The following EDC3 variants were observed in gnomAD, a reference collection of about 807,000 sequenced individuals.
The protein encoded by EDC3 is enhancer of mRNA-decapping protein 3.
Under a neutral mutation model 41.8 loss-of-function variants are expected in EDC3, and 20 were observed. The ratio of observed to expected loss-of-function variants is 0.48; its 90% CI spans 0.34 to 0.70. The LOEUF (loss-of-function observed/expected upper bound fraction) is 0.70. Among genes scored for constraint, EDC3 ranks in the 30% least tolerant of loss-of-function variants. The pLI is 0.01. For missense variants in EDC3, 444 were observed against 636.8 expected, an observed-to-expected ratio of 0.70 and a Z score of 3.26; for synonymous variants, 206 against 243.2, an observed-to-expected ratio of 0.85 and a Z score of 1.42.
At chr15:74,635,198 T>C (rs747596957) in intron 6 of EDC3, 41 of 698,438 alleles carry the variant, frequency 5.9e-5, no homozygotes, top group Non-Finnish European at 1.0e-4. Flanking sequence ...AATGGACCAA[T>C]GGGTCCCCAG....
At chr15:74,650,038 C>T (rs1184707453) in intron 4 of EDC3, among the ~76,000 whole-genome samples, 1 of 152,142 alleles carries the variant, frequency 6.6e-6, no homozygotes, top group Non-Finnish European at 1.5e-5. Context: ...TGTTGCTTCC[C>T]TCATATCTTT....
chr15:74,632,916 A>G lies in EDC3; in HGVS notation c.1223T>C (p.Ile408Thr). Residue 408 changes from isoleucine to threonine, a missense_variant, in exon 7 of 7, where the codon ATC becomes ACC. Physicochemically the swap from Ile to Thr is moderately conservative, Grantham distance 89. Around this residue, in one of 3 missense-constraint regions of EDC3, gnomAD observed 242 missense variants for 363.8 expected, o/e 0.67. Transcript: ENST00000315127. This position sits in a 1 kb window ranked among gnomAD's most constrained non-coding sequence, Gnocchi z 4.0. ...GTTCTCAGGGCAATCCAGGCAGTTGATGACCAGGTCCACAGGGCTAGTGGG... is the reference window on the plus strand; with the variant it reads ...GTTCTCAGGGCAATCCAGGCAGTTGGTGACCAGGTCCACAGGGCTAGTGGG... ...DLPTSPVDLVINCLDCPENVF... is the reference protein window; with the variant it reads ...DLPTSPVDLVTNCLDCPENVF... 1 of 1,614,202 alleles carries G rather than the reference A, an allele frequency of 6.2e-7. No individual in the cohort carries two copies. Among genetic ancestry groups the G allele is most frequent in the Non-Finnish European group, 8.5e-7 (1 of 1,180,020 alleles).
chr15:74,657,349 C>A (rs2062561846), intron 3 of EDC3, among the ~76,000 whole-genome samples: 1 of 152,230 alleles, frequency 6.6e-6, no homozygotes, highest in Non-Finnish European at 1.5e-5. Flanking sequence ...ATGTGCACTC[C>A]CTCCCACAAT....
chr15:74,652,230 C>T lies in EDC3; in HGVS notation c.820+3503G>A, dbSNP rs1396643893. Among the ~76,000 whole-genome samples the T allele has an allele frequency of 2.0e-5, 3 of 150,848 alleles. No individual in the cohort carries two copies. In the East Asian group the frequency reaches 5.8e-4, roughly 29 times the overall value. ...ACTGCCCTTCTCTTCTTATATTTTT[C>T]CTTTTTTTTTTTTTTGAGACAGAGT... On this transcript the variant is annotated intron_variant, in intron 4 of 6. Transcript: ENST00000315127.
intron 3 of EDC3, among the ~76,000 whole-genome samples, chr15:74,660,811 A>T (rs1432617665): frequency 6.6e-6 from 1 of 152,214 alleles, no homozygotes; most frequent in African/African-American, 2.4e-5. Context: ...AACAGTAGAA[A>T]TTAAACTTTA....
At chr15:74,683,111 C>T (rs1225719309) in intron 1 of EDC3, among the ~76,000 whole-genome samples, 1 of 152,200 alleles carries the variant, frequency 6.6e-6, no homozygotes, top group Admixed American at 6.5e-5. Context: ...ACTCAGATAA[C>T]CTCAATGAGT....
intron 1 of EDC3, among the ~76,000 whole-genome samples, chr15:74,682,212 T>C (rs1382479483): frequency 6.6e-6 from 1 of 152,040 alleles, no homozygotes; most frequent in Admixed American, 6.6e-5. Context: ...ATCCCAGCTA[T>C]TTGAGTGGCT....
intron 5 of EDC3, 145 bp downstream of exon 5, chr15:74,640,321 G>A (rs954792255): frequency 1.1e-6 from 1 of 916,304 alleles, no homozygotes; most frequent in African/African-American, 1.7e-5. Flanking sequence ...ACAGCATCCA[G>A]GAAAGTGACT....
chr15:74,662,867 A>G (rs2062636018), intron 3 of EDC3, among the ~76,000 whole-genome samples: 1 of 152,224 alleles, frequency 6.6e-6, no homozygotes, highest in Admixed American at 6.5e-5. Flanking sequence ...AGGTAGAGGC[A>G]CAAAAACAGT....
rs139450223 is a variant in EDC3, at chr15:74,675,016, G to A, written c.109C>T (p.Leu37Phe). ...AVDQVSQTIS[L>F]TRPFHNGVKC... The stretch of plus-strand genomic sequence containing the variant: ...ACTCCATTATGGAAAGGCCGGGTGA[G>A]AGAAATGGTCTGGCTGACCTGATCC... Residue 37 changes from leucine to phenylalanine, a missense_variant, in exon 2 of 7, where the codon CTC (leucine) becomes TTC (phenylalanine). Physicochemically the swap from Leu to Phe is conservative, Grantham distance 22 (BLOSUM62 0). Transcript: ENST00000315127. The A allele has an allele frequency of 6.2e-7, 1 of 1,614,142 alleles. No individual in the cohort carries two copies. The highest frequency in any genetic ancestry group is 8.5e-7 in the Non-Finnish European group (1 of 1,180,048).
intron 3 of EDC3, among the ~76,000 whole-genome samples, chr15:74,659,383 C>G (rs1596315448): frequency 6.6e-6 from 1 of 151,670 alleles, no homozygotes; most frequent in East Asian, 1.9e-4. Context: ...TTGCTTGAAC[C>G]CAGGAAACGG....
At chr15:74,673,300 T>C (rs2062761246) in intron 2 of EDC3, among the ~76,000 whole-genome samples, 1 of 152,156 alleles carries the variant, frequency 6.6e-6, no homozygotes, top group Non-Finnish European at 1.5e-5. Flanking sequence ...CCATACGATT[T>C]TGGCAACTAA....
At chr15:74,645,455 AAT>A (rs1221387456) in intron 4 of EDC3, 1 of 151,900 alleles carries the variant, frequency 6.6e-6, no homozygotes, top group Non-Finnish European at 1.5e-5. Flanking sequence ...ACATAAAACA[AAT>A]ATGTCACAAT....
chr15:74,632,560 T>C lies in EDC3; in HGVS notation c.*52A>G, dbSNP rs975126412. 4.4e-6 allele frequency: 7 copies of C among 1,580,836 alleles called. No individual in the cohort carries two copies. The highest frequency in any genetic ancestry group is 6.0e-6 in the Non-Finnish European group (7 of 1,157,922). ...ATGAAGCTTCATATCCTTAAGGCGTTTGTTATCAGGAGCAGCAGGGGACAG... is the reference window on the plus strand; with the variant it reads ...ATGAAGCTTCATATCCTTAAGGCGTCTGTTATCAGGAGCAGCAGGGGACAG... On this transcript the variant is annotated 3_prime_UTR_variant, in exon 7 of 7. Coordinates refer to ENST00000315127, the MANE Select transcript of EDC3 (RefSeq NM_025083.5). The surrounding 1 kb of genome is among the most constrained non-coding windows in gnomAD (Gnocchi z 4.0).
At chr15:74,652,635 A>T (rs1458622381) in intron 4 of EDC3, among the ~76,000 whole-genome samples, 1 of 151,378 alleles carries the variant, frequency 6.6e-6, no homozygotes, top group Non-Finnish European at 1.5e-5. Context: ...AGGCTGGAGT[A>T]CAGTGGCATG....
chr15:74,689,245 A>G (rs1383205781), intron 1 of EDC3, among the ~76,000 whole-genome samples: 1 of 152,112 alleles, frequency 6.6e-6, no homozygotes, highest in East Asian at 1.9e-4. Flanking sequence ...CATTTATACA[A>G]CCCACCATAC....
At position 74,630,880 on chromosome 15, in the gene EDC3, G is replaced by GTTC. The variant is rs1341554846; in HGVS notation, c.*1729_*1731dup. On this transcript the variant is annotated 3_prime_UTR_variant, in exon 7 of 7. Coordinates refer to ENST00000315127, the MANE Select transcript of EDC3 (RefSeq NM_025083.5). Reference sequence around the variant, plus strand: ...GTGGACAGTCTTCTGGGCCAGGGTTGTTCTAGCTTGTTTCTCACTGTACCT... The same window carrying GTTC: ...GTGGACAGTCTTCTGGGCCAGGGTTGTTCTTCTAGCTTGTTTCTCACTGTACCT... The GTTC allele has an allele frequency of 6.6e-6, 1 of 152,250 alleles. No homozygotes were observed. The highest frequency in any genetic ancestry group is 1.5e-5 in the Non-Finnish European group (1 of 68,058). 9.4% of individuals were successfully genotyped at this position (152,250 alleles called of 1,614,324 possible). A position where few individuals can be genotyped will look rare whatever the true frequency, so the allele number is the denominator to read the frequency against.
In EDC3 at chr15:74,684,380, G is replaced by T. The variant is rs535349873; in HGVS notation, c.-18-9238C>A. Among the ~76,000 whole-genome samples, 3 of 149,694 alleles carry T rather than the reference G, an allele frequency of 2.0e-5. No homozygotes were observed. The East Asian group carries it at 6.0e-4, about 30-fold the overall frequency. Reference sequence around the variant, plus strand: ...AGACAGGGTTTTGCCATGTTGCCCAGGTTTCCAACTCCTGAGTTCAAGCTA... The same window carrying T: ...AGACAGGGTTTTGCCATGTTGCCCATGTTTCCAACTCCTGAGTTCAAGCTA... On this transcript the variant is annotated intron_variant, in intron 1 of 6. Transcript: ENST00000315127.
intron 1 of EDC3, among the ~76,000 whole-genome samples, chr15:74,685,847 T>C (rs907283504): frequency 3.3e-5 from 5 of 152,122 alleles, no homozygotes; most frequent in African/African-American, 1.2e-4. Context: ...TTTCAAATAC[T>C]AATTTCAGAC....
Sources: allele counts gnomAD v4.1 joint callset (sites outside exome capture counted in the v4.1 genomes callset), GRCh38; gene constraint gnomAD v4.1.1; regional missense constraint gnomAD v4.1.1; non-coding constraint Gnocchi (gnomAD v3.1); transcripts MANE v1.5; gene names NCBI Gene and HGNC (gene_info 2026-07-23, HGNC 2026-07-21).